The following PCDH11X variants were observed in gnomAD, a reference collection of about 807,000 sequenced individuals.
PCDH11X encodes protocadherin-11 X-linked.
In PCDH11X, 18 loss-of-function variants were observed where a neutral mutation model predicts 53.3. That is an observed-to-expected ratio of 0.34 (90% CI 0.23 to 0.50). The LOEUF (loss-of-function observed/expected upper bound fraction) is 0.50. PCDH11X is among the 20% of genes least tolerant of loss of function. The pLI, the probability that PCDH11X is intolerant of heterozygous loss-of-function variation, is 0.98. For synonymous variants in PCDH11X, 279 were observed against 393.3 expected, an observed-to-expected ratio of 0.71 and a Z score of 3.44; for missense variants, 570 against 1,032.4, an observed-to-expected ratio of 0.55 and a Z score of 6.14.
At chrX:92,454,924 T>G (rs1163108124) in intron 9 of PCDH11X, among the ~76,000 whole-genome samples, 14 of 108,040 alleles carry the variant, frequency 1.3e-4, no homozygotes, top group South Asian at 1.2e-3. Flanking sequence ...TAAATATACA[T>G]TAATCTTGCA....
chrX:92,132,637 ATATATATATATATATATATG>A (rs2065004661), intron 6 of PCDH11X, among the ~76,000 whole-genome samples: 2 of 54,208 alleles, frequency 3.7e-5, no homozygotes, highest in African/African-American at 2.1e-4. Flanking sequence ...ATATATATGT[ATATATATATATATATATATG>A]TATATATATA....
intron 6 of PCDH11X, among the ~76,000 whole-genome samples, chrX:91,934,309 T>G (rs1293589987): frequency 9.0e-6 from 1 of 111,418 alleles, no homozygotes; most frequent in Non-Finnish European, 1.9e-5. Context: ...TTAGTTCCTT[T>G]AGGCTTGGGT....
intron 6 of PCDH11X, among the ~76,000 whole-genome samples, chrX:91,903,290 A>C (rs1040028240): frequency 7.2e-5 from 8 of 111,559 alleles, no homozygotes; most frequent in Non-Finnish European, 1.9e-5. Flanking sequence ...GTCAGCTTCC[A>C]CATAGCCAAT....
chrX:92,487,779 T>G (rs1003387428), intron 10 of PCDH11X, among the ~76,000 whole-genome samples: 1 of 110,860 alleles, frequency 9.0e-6, no homozygotes, highest in African/African-American at 3.3e-5. Flanking sequence ...TTAGAATAGG[T>G]CTCTTAACTA....
chrX:92,567,729 C>G (rs72608337), intron 10 of PCDH11X, among the ~76,000 whole-genome samples: 8,713 of 108,946 alleles, frequency 0.08, 309 homozygotes, highest in Admixed American at 0.2. Flanking sequence ...ATGCTTCCAG[C>G]TTTTACCCAT....
chrX:92,554,372 C>A (rs1210479260), intron 10 of PCDH11X, among the ~76,000 whole-genome samples: 1 of 103,055 alleles, frequency 9.7e-6, no homozygotes, highest in Non-Finnish European at 2.0e-5. Flanking sequence ...CCTGATATTC[C>A]AGGCCCTAAA....
At chrX:92,501,298 A>G (rs1158739786) in intron 10 of PCDH11X, among the ~76,000 whole-genome samples, 9 of 111,385 alleles carry the variant, frequency 8.1e-5, no homozygotes, top group African/African-American at 2.3e-4. Flanking sequence ...TACCAGAAGT[A>G]CAAAGAAGAG....
At chrX:92,058,989 T>G (rs1042031757) in intron 6 of PCDH11X, among the ~76,000 whole-genome samples, 8 of 110,256 alleles carry the variant, frequency 7.3e-5, no homozygotes, top group African/African-American at 2.6e-4. Flanking sequence ...CCCAAGTGTT[T>G]CTAAAATATA....
chrX:92,114,494 C>A (rs1410185725), intron 6 of PCDH11X: 8 of 498,431 alleles, frequency 1.6e-5, no homozygotes, highest in Non-Finnish European at 2.8e-5. Flanking sequence ...TATCTATTTT[C>A]TATATTGTGG....
chrX:92,051,556 T>C (rs2063367130), intron 6 of PCDH11X, among the ~76,000 whole-genome samples: 1 of 111,560 alleles, frequency 9.0e-6, no homozygotes, highest in African/African-American at 3.2e-5. Context: ...TTCTTATTTC[T>C]ACAGTACTAG....
intron 8 of PCDH11X, among the ~76,000 whole-genome samples, chrX:92,273,976 G>C (rs1232646497): frequency 1.8e-5 from 2 of 109,023 alleles, no homozygotes; most frequent in African/African-American, 3.4e-5. Flanking sequence ...ATGGCTTGGA[G>C]AAACAGTGTA....
intron 10 of PCDH11X, among the ~76,000 whole-genome samples, chrX:92,578,443 C>T (rs1923238450): frequency 9.1e-6 from 1 of 110,470 alleles, no homozygotes. Context: ...TTTTATGAAT[C>T]TGGGTGCTCT....
intron 8 of PCDH11X, among the ~76,000 whole-genome samples, chrX:92,356,918 A>G (rs1238106416): frequency 1.8e-5 from 2 of 111,247 alleles, no homozygotes; most frequent in African/African-American, 6.5e-5. Context: ...ACCATAATGA[A>G]GATTGGCATC....
At chrX:92,331,279 T>TTTCTTCTTCTCCTTCTTCTTCTTCTTC (rs2069461448) in intron 8 of PCDH11X, among the ~76,000 whole-genome samples, 1 of 53,210 alleles carries the variant, frequency 1.9e-5, no homozygotes, top group African/African-American at 7.3e-5. Context: ...CCTCCTCCTC[T>TTTCTTCTTCTCCTTCTTCTTCTTCTTC]TTCTTCTTCT....
intron 6 of PCDH11X, among the ~76,000 whole-genome samples, chrX:92,173,556 C>T (rs1053376856): frequency 1.4e-4 from 15 of 108,425 alleles, no homozygotes; most frequent in Non-Finnish European, 1.9e-4. Flanking sequence ...CAACATACAC[C>T]AGAGAAACAG....
In PCDH11X at chrX:91,907,412, C is replaced by CAGAGAGAGAGAG. The variant is rs59848282; in HGVS notation, c.3033+28158_3033+28169dup. 4.5e-3 allele frequency among the ~76,000 whole-genome samples: 257 copies of CAGAGAGAGAGAG among 57,492 alleles called. 6 individuals are homozygous for CAGAGAGAGAGAG. Among genetic ancestry groups the CAGAGAGAGAGAG allele is most frequent in the African/African-American group, 0.014 (192 of 13,386 alleles). The allele number at this position is 57,492 out of a possible 115,157, so 49.9% of individuals were successfully genotyped here. Reference sequence around the variant, plus strand: ...ACACACACACACACACACACACACACAGAGAGAGAGAGAGAGAGAGAGAGA... The same window carrying CAGAGAGAGAGAG: ...ACACACACACACACACACACACACACAGAGAGAGAGAGAGAGAGAGAGAGAGAGAGAGAGAGA... On this transcript the variant is annotated intron_variant, in intron 6 of 10. Transcript: ENST00000682573.
intron 6 of PCDH11X, among the ~76,000 whole-genome samples, chrX:92,179,016 A>T (rs1458945706): frequency 8.9e-6 from 1 of 111,942 alleles, no homozygotes; most frequent in African/African-American, 3.2e-5. Flanking sequence ...ATGCACGCTA[A>T]CACATAGGTT....
chrX:92,328,410 G>T (rs191902956), intron 8 of PCDH11X, among the ~76,000 whole-genome samples: 2,492 of 110,215 alleles, frequency 0.023, 65 homozygotes, highest in African/African-American at 0.076. Flanking sequence ...AAGAGCAAAA[G>T]AAAACCAAAT....
At chrX:92,306,423 G>C (rs1243140002) in intron 8 of PCDH11X, among the ~76,000 whole-genome samples, 2 of 107,878 alleles carry the variant, frequency 1.9e-5, no homozygotes, top group Non-Finnish European at 3.8e-5. Context: ...AAAAACAATA[G>C]AGACTATCCA....
Sources: gnomAD v4.1 joint callset for allele counts (sites outside exome capture counted in the v4.1 genomes callset) on GRCh38, gnomAD v4.1.1 for gene constraint, MANE v1.5 for transcripts, NCBI Gene and HGNC (gene_info 2026-07-23, HGNC 2026-07-21) for gene names.